The following RNF17 variants were observed in gnomAD, a reference collection of about 807,000 sequenced individuals.
RNF17 encodes the protein ring finger protein 17.
Under a neutral mutation model 200.5 loss-of-function variants are expected in RNF17, and 31 were observed. That is an observed-to-expected ratio of 0.15 (90% CI 0.12 to 0.21). The LOEUF is 0.21. Among genes scored for constraint, RNF17 ranks in the 10% least tolerant of loss-of-function variants. The pLI is 1.00. For synonymous variants in RNF17, 606 were observed against 637.8 expected, an observed-to-expected ratio of 0.95 and a Z score of 0.75; for missense variants, 1,628 against 1,905.1, an observed-to-expected ratio of 0.85 and a Z score of 2.71.
chr13:24,797,705 A>AGTGTGTGTGTCTGTGTGTGTGT lies in RNF17; in HGVS notation c.1399+1420_1399+1421insCTGTGTGTGTGTGTGTGTGTGT, dbSNP rs61635829. Among the ~76,000 whole-genome samples the AGTGTGTGTGTCTGTGTGTGTGT allele has an allele frequency of 1.5e-3, 178 of 119,092 alleles. 2 individuals are homozygous for AGTGTGTGTGTCTGTGTGTGTGT. The highest frequency in any genetic ancestry group is 5.0e-3 in the African/African-American group (157 of 31,280). 78.1% of individuals were successfully genotyped at this position (119,092 alleles called of 152,430 possible). A position where few individuals can be genotyped will look rare whatever the true frequency, so the allele number is the denominator to read the frequency against. Reference sequence around the variant, plus strand: ...GAGAGAGAGAGAGAGAGAGACAAAGAGTGTGTGTGTGTGTGTGTGTGTGTG... The same window carrying AGTGTGTGTGTCTGTGTGTGTGT: ...GAGAGAGAGAGAGAGAGAGACAAAGAGTGTGTGTGTCTGTGTGTGTGTGTGTGTGTGTGTGTGTGTGTGTGTG... On this transcript the variant is annotated intron_variant, in intron 11 of 35. Transcript: ENST00000255324.
rs1384099879 is a variant in RNF17, at chr13:24,818,513, A to AT, written c.2092-7100dup. 2.6e-5 allele frequency among the ~76,000 whole-genome samples: 4 copies of AT among 151,968 alleles called. No homozygotes were observed. The East Asian group carries it at 7.7e-4, about 29-fold the overall frequency. ...TTCTATTTTTATTATTGAACTGTCT[A>AT]TTTTTTCCTTCAATTCTGTCAATGT... On this transcript the variant is annotated intron_variant, in intron 15 of 35. Transcript: ENST00000255324.
chr13:24,773,000 C>G (rs956149516), intron 2 of RNF17, among the ~76,000 whole-genome samples: 2 of 151,988 alleles, frequency 1.3e-5, no homozygotes, highest in Admixed American at 6.6e-5. Context: ...AAATCAAAAC[C>G]CACAATGAGA....
chr13:24,797,746 T>TGTGTGTGTGTA (rs1884781580), intron 11 of RNF17, among the ~76,000 whole-genome samples: 1 of 25,868 alleles, frequency 3.9e-5, no homozygotes, highest in Admixed American at 3.4e-4. Context: ...GTGTGTGTGT[T>TGTGTGTGTGTA]TACCCTGCAA....
the RNF17 span, among the ~76,000 whole-genome samples, chr13:24,754,895 TAA>T: frequency 3.9e-3 from 538 of 136,408 alleles, 11 homozygotes; most frequent in East Asian, 0.04. Flanking sequence ...GACCCTGTCT[TAA>T]AAAAAAAAAA....
At chr13:24,773,196 A>G (rs1048647213) in intron 2 of RNF17, among the ~76,000 whole-genome samples, 2 of 152,224 alleles carry the variant, frequency 1.3e-5, no homozygotes, top group Non-Finnish European at 2.9e-5. Context: ...CACTTCCATT[A>G]CTGGGTATAT....
Position 24,779,657 on chromosome 13 carries a change from C to G in RNF17, c.430-10C>G. 1.3e-6 allele frequency: 2 copies of G among 1,598,382 alleles called. No homozygotes were observed. Among genetic ancestry groups the G allele is most frequent in the South Asian group, 1.1e-5 (1 of 90,540 alleles). On this transcript the variant is annotated splice_polypyrimidine_tract_variant and intron_variant, in intron 4 of 35. Coordinates refer to ENST00000255324, the MANE Select transcript of RNF17 (RefSeq NM_031277.3). ...TTTTATATTTGTATGTGATTTCCCT[C>G]CCTTCTTAGGACACTAATACTGCAG...
In RNF17 at chr13:24,804,468, A is replaced by C. The variant is rs552290431; in HGVS notation, c.2091+39A>C. ...GTGTTTTTGAAATGAAGTTTTTAAA[A>C]AAATTTTAATTAGACATGTATAACA... On this transcript the variant is annotated intron_variant, in intron 15 of 35. Coordinates refer to ENST00000255324, the MANE Select transcript of RNF17 (RefSeq NM_031277.3). 3.3e-6 allele frequency: 5 copies of C among 1,500,212 alleles called. No homozygotes were observed. The African/African-American group carries it at 5.6e-5, about 17-fold the overall frequency. 92.9% of individuals were successfully genotyped at this position (1,500,212 alleles called of 1,614,324 possible).
chr13:24,853,917 A>T lies in RNF17; in HGVS notation c.3383A>T (p.Gln1128Leu), dbSNP rs751377794. ...SEKSLEVPLE[Q>L]EDSVVTNCIK... is the part of the protein sequence containing the mutation. ...AAGTCTCTGGAAGTCCCCCTGGAACAGGAAGATTCAGTAGTTACTAACTGT... is the reference window on the plus strand; with the variant it reads ...AAGTCTCTGGAAGTCCCCCTGGAACTGGAAGATTCAGTAGTTACTAACTGT... The change falls in exon 25 of 36, where the codon CAG becomes CTG. Residue 1128 changes from glutamine to leucine, a missense_variant. Physicochemically the swap from Gln to Leu is moderately radical, Grantham distance 113. Around this residue, in one of 5 missense-constraint regions of RNF17, gnomAD observed 609 missense variants for 681.9 expected, o/e 0.89. Transcript: ENST00000255324. 6.2e-7 allele frequency: 1 copy of T among 1,613,854 alleles called. No homozygotes were observed. The highest frequency in any genetic ancestry group is 8.5e-7 in the Non-Finnish European group (1 of 1,179,784).
intron 25 of RNF17, among the ~76,000 whole-genome samples, chr13:24,858,119 A>G (rs1050438438): frequency 1.3e-5 from 2 of 152,156 alleles, no homozygotes; most frequent in African/African-American, 4.8e-5. Flanking sequence ...ATTGGCTCCT[A>G]ATTAGTACCT....
At chr13:24,788,286 TTG>T in intron 7 of RNF17, 127 bp downstream of exon 7, 2 of 626,570 alleles carry the variant, frequency 3.2e-6, no homozygotes, top group Non-Finnish European at 2.6e-6. Flanking sequence ...GAATTCTAAA[TTG>T]ATGACAATAT....
At chr13:24,805,533 A>G (rs1566157665) in intron 15 of RNF17, among the ~76,000 whole-genome samples, 1 of 152,226 alleles carries the variant, frequency 6.6e-6, no homozygotes, top group Non-Finnish European at 1.5e-5. Flanking sequence ...TCAGAATTTC[A>G]TTCCTTTATA....
chr13:24,879,166 A>G, intron 34 of RNF17, 21 bp from the exon 35 acceptor site: 1 of 1,573,078 alleles, frequency 6.4e-7, no homozygotes, highest in Non-Finnish European at 8.8e-7. Flanking sequence ...TTTTCTTGAC[A>G]ACTGTATCTT....
chr13:24,884,518 C>T (rs964247025), downstream of RNF17: 3 of 1,552,216 alleles, frequency 1.9e-6, no homozygotes, highest in Non-Finnish European at 2.7e-6. Context: ...GAAAGTATGG[C>T]TAATTCTCCT....
intron 15 of RNF17, among the ~76,000 whole-genome samples, chr13:24,825,229 C>T (rs956580058): frequency 6.6e-6 from 1 of 151,822 alleles, no homozygotes; most frequent in African/African-American, 2.4e-5. Context: ...TTAAGGAAAA[C>T]TAAATGTGAG....
At chr13:24,887,782 T>C in the RNF17 span, among the ~76,000 whole-genome samples, 1 of 152,232 alleles carries the variant, frequency 6.6e-6, no homozygotes, top group Admixed American at 6.5e-5. Context: ...AATTGGTCCC[T>C]GATGCCAAAA....
intron 15 of RNF17, among the ~76,000 whole-genome samples, chr13:24,818,116 ATTTCTC>A (rs780159205): frequency 3.2e-4 from 48 of 151,774 alleles, no homozygotes; most frequent in Non-Finnish European, 5.6e-4. Context: ...GCATTTTCTA[ATTTCTC>A]TTAGGATTTC....
chr13:24,761,017 T>C (rs1878697171), upstream of RNF17, among the ~76,000 whole-genome samples: 1 of 152,154 alleles, frequency 6.6e-6, no homozygotes, highest in South Asian at 2.1e-4. Flanking sequence ...CCTTATACAG[T>C]TAGTGGGAAT....
Position 24,788,029 on chromosome 13 carries a change from A to G in RNF17, c.653A>G (p.Asp218Gly). The G allele has an allele frequency of 6.3e-7, 1 of 1,583,474 alleles. No homozygotes were observed. The highest frequency in any genetic ancestry group is 8.5e-7 in the Non-Finnish European group (1 of 1,170,560). The change falls in exon 7 of 36, where the codon GAT (aspartate) becomes GGT (glycine). Residue 218 changes from aspartate to glycine, a missense_variant. This residue lies in a region of RNF17 where 502 missense variants were observed against 501.7 expected (regional missense o/e 1.00). Transcript: ENST00000255324. ...LCEEFARTTD[D>G]YLSNLIKAKS... ...GAAGAATTTGCAAGAACTACTGATG[A>G]TTATCTATCAAATTTAATAAAGGCT...
upstream of RNF17, among the ~76,000 whole-genome samples, chr13:24,760,790 C>T (rs1396404838): frequency 6.6e-6 from 1 of 152,054 alleles, no homozygotes; most frequent in African/African-American, 2.4e-5. Flanking sequence ...GAAAACAACT[C>T]AAACAGAAAG....
Sources: gnomAD v4.1 joint callset for allele counts (sites outside exome capture counted in the v4.1 genomes callset) on GRCh38, gnomAD v4.1.1 for gene constraint, gnomAD v4.1.1 regional missense constraint, MANE v1.5 for transcripts, NCBI Gene and HGNC (gene_info 2026-07-23, HGNC 2026-07-21) for gene names.